Variants in TSPAN19 observed in about 807,000 individuals in gnomAD.
TSPAN19 encodes the protein tetraspanin 19, also known as tetraspanin-19.
A neutral mutation model predicts 35.1 loss-of-function variants in TSPAN19; 44 were observed. The observed-to-expected ratio is 1.25, with a 90% confidence interval of 0.98 to 1.61. The LOEUF (loss-of-function observed/expected upper bound fraction) is 1.61, where lower values mean the gene tolerates loss of function less well. TSPAN19 is among the 40% of genes most tolerant of loss of function. TSPAN19 has a pLI of 0.00. For missense variants in TSPAN19, 290 were observed against 280.0 expected, an observed-to-expected ratio of 1.04 and a Z score of -0.26; for synonymous variants, 79 against 92.0, an observed-to-expected ratio of 0.86 and a Z score of 0.81.
Position 85,023,806 on chromosome 12 carries a change from C to G in TSPAN19, c.265-406G>C, listed in dbSNP as rs1349789352. Reference sequence around the variant, plus strand: ...CAGAAAGTAGAACGTATAACAAAAGCAACTGCAATAATAAACTTAATTCTT... The same window carrying G: ...CAGAAAGTAGAACGTATAACAAAAGGAACTGCAATAATAAACTTAATTCTT... On this transcript the variant is annotated intron_variant, in intron 4 of 8. Coordinates refer to ENST00000532498, the MANE Select transcript of TSPAN19 (RefSeq NM_001100917.2). Among the ~76,000 whole-genome samples, 10 of 152,276 alleles carry G rather than the reference C, an allele frequency of 6.6e-5. No homozygotes were observed. The South Asian group carries it at 2.1e-3, about 32-fold the overall frequency.
In TSPAN19 at chr12:85,015,810, C is replaced by A. The variant is rs1238522501; in HGVS notation, c.678+78G>T. 4 of 1,032,400 alleles carry A rather than the reference C, an allele frequency of 3.9e-6. No individual in the cohort carries two copies. In the East Asian group the frequency reaches 8.3e-5, roughly 21 times the overall value. 64.0% of individuals were successfully genotyped at this position (1,032,400 alleles called of 1,614,324 possible). A position where few individuals can be genotyped will look rare whatever the true frequency, so the allele number is the denominator to read the frequency against. On this transcript the variant is annotated intron_variant, in intron 8 of 8. Transcript: ENST00000532498. ...TATATGAACTTATCTGATTAGGTCT[C>A]CACCTGATTGCTCTGCAGTCTATTC...
In TSPAN19 at chr12:85,027,996, A is replaced by AT. The variant is rs752528325; in HGVS notation, c.166dup (p.Ile56AsnfsTer65). On this transcript the variant is annotated frameshift_variant, in exon 4 of 9. Transcript: ENST00000532498. LOFTEE classifies it high-confidence loss of function. ...TCCCATTCCAATCAAAATTTGAGAA[A>AT]TAGGTACTATGAAGTGATTATTTTC... is the stretch of plus-strand genomic sequence containing the variant. The AT allele has an allele frequency of 1.3e-6, 2 of 1,591,740 alleles. No individual in the cohort carries two copies. The highest frequency in any genetic ancestry group is 4.5e-5 in the East Asian group (2 of 44,372).
chr12:85,024,658 T>C, intron 4 of TSPAN19: 1 of 153,638 alleles, frequency 6.5e-6, no homozygotes. Flanking sequence ...GCACCTGTAA[T>C]TCCAGCTACT....
Position 85,014,549 on chromosome 12 carries a change from G to T in TSPAN19, c.685C>A (p.Gln229Lys). Residue 229 changes from glutamine (Q) to lysine (K), a missense_variant, in exon 9 of 9, where the codon CAA (glutamine) becomes AAA (lysine). Transcript: ENST00000532498. The part of the protein sequence containing the change: ...NFGLLTSEVF[Q>K]VSLTVCFFKN... ...AAGAAACAAACTGTTAATGAGACTT[G>T]GAAAACCTGGAAGAAAAGGGAACAA... is the stretch of plus-strand genomic sequence containing the variant. 6.3e-7 allele frequency: 1 copy of T among 1,591,424 alleles called. No homozygotes were observed.
chr12:85,017,956 GCAGTTCTCTTT>G (rs1876907659), intron 6 of TSPAN19, among the ~76,000 whole-genome samples: 1 of 151,768 alleles, frequency 6.6e-6, no homozygotes, highest in Non-Finnish European at 1.5e-5. Context: ...CCCAACTGTA[GCAGTTCTCTTT>G]GTATTTAAAG....
chr12:85,033,078 T>A (rs1435379178), intron 1 of TSPAN19, among the ~76,000 whole-genome samples: 1 of 152,032 alleles, frequency 6.6e-6, no homozygotes, highest in Non-Finnish European at 1.5e-5. Flanking sequence ...AAAACCTGAA[T>A]TATGTGTTGA....
intron 8 of TSPAN19, 154 bp from the exon 9 acceptor site, chr12:85,014,709 GA>G (rs3835146): frequency 0.02 from 10,073 of 508,532 alleles, 500 homozygotes; most frequent in East Asian, 0.16. Context: ...ATACAGTTGT[GA>G]ATAGGAAGTC....
chr12:85,015,258 C>A (rs1267623636), intron 8 of TSPAN19: 1 of 151,868 alleles, frequency 6.6e-6, no homozygotes, highest in African/African-American at 2.4e-5. Flanking sequence ...TCTTAATAGT[C>A]TTCACTGAGA....
At chr12:85,022,154 G>T (rs1325825302) in intron 5 of TSPAN19, among the ~76,000 whole-genome samples, 1 of 151,926 alleles carries the variant, frequency 6.6e-6, no homozygotes, top group Non-Finnish European at 1.5e-5. Context: ...TGTTTTGCCA[G>T]CAAAGCAGCT....
intron 3 of TSPAN19, 79 bp downstream of exon 3, chr12:85,029,640 C>T (rs1877586118): frequency 9.2e-7 from 1 of 1,092,414 alleles, no homozygotes; most frequent in Non-Finnish European, 1.3e-6. Flanking sequence ...ATACTGCCAC[C>T]TGCTGAATAA....
intron 5 of TSPAN19, among the ~76,000 whole-genome samples, chr12:85,021,482 A>G (rs1381465328): frequency 1.3e-5 from 2 of 152,058 alleles, no homozygotes; most frequent in African/African-American, 2.4e-5. Context: ...TGCTGTTGAG[A>G]GTGTGTTGGG....
intron 1 of TSPAN19, chr12:85,035,255 C>T (rs2135826971): frequency 6.6e-6 from 1 of 151,892 alleles, no homozygotes. Context: ...GAGACCCTGT[C>T]TCTAAAAAAA....
chr12:85,029,625 G>T, intron 3 of TSPAN19, 94 bp downstream of exon 3: 1 of 986,500 alleles, frequency 1.0e-6, no homozygotes, highest in South Asian at 1.6e-5. Flanking sequence ...ATAAATTACA[G>T]AGAAATACTG....
intron 5 of TSPAN19, among the ~76,000 whole-genome samples, chr12:85,022,015 G>C (rs1257422141): frequency 6.6e-6 from 1 of 152,052 alleles, no homozygotes; most frequent in Admixed American, 6.6e-5. Context: ...AGATACAGGA[G>C]TGTGTGCATA....
intron 7 of TSPAN19, 75 bp downstream of exon 7, chr12:85,017,381 A>G: frequency 7.3e-7 from 1 of 1,374,510 alleles, no homozygotes. Context: ...AAATTTGCTC[A>G]GAATTCTAAA....
At chr12:85,016,030 CTT>C (rs1832891337) in intron 7 of TSPAN19, 59 bp from the exon 8 acceptor site, 1 of 1,078,124 alleles carries the variant, frequency 9.3e-7, no homozygotes, top group Non-Finnish European at 1.3e-6. Context: ...ATACATAAAT[CTT>C]TACAAAAAAT....
chr12:85,034,351 T>C (rs1246919883), intron 1 of TSPAN19, among the ~76,000 whole-genome samples: 1 of 152,180 alleles, frequency 6.6e-6, no homozygotes, highest in Non-Finnish European at 1.5e-5. Flanking sequence ...ATGATTTCAC[T>C]ACAACACATT....
intron 7 of TSPAN19, chr12:85,016,783 C>T (rs2135791930): frequency 6.6e-6 from 1 of 151,494 alleles, no homozygotes; most frequent in African/African-American, 2.4e-5. Flanking sequence ...GGGGCAACTA[C>T]TGTATATATC....
intron 1 of TSPAN19, among the ~76,000 whole-genome samples, chr12:85,034,316 T>C (rs1045361546): frequency 6.6e-6 from 1 of 152,194 alleles, no homozygotes; most frequent in African/African-American, 2.4e-5. Context: ...ATAAAGCAGT[T>C]GTTGAAAAAT....
Sources: gnomAD v4.1 joint callset for allele counts (sites outside exome capture counted in the v4.1 genomes callset) on GRCh38, gnomAD v4.1.1 for gene constraint, MANE v1.5 for transcripts, NCBI Gene and HGNC (gene_info 2026-07-23, HGNC 2026-07-21) for gene names.